The following ZNF564 variants were observed in gnomAD, a reference collection of about 807,000 sequenced individuals.
ZNF564 encodes the protein zinc finger protein 564.
A neutral mutation model predicts 10.5 loss-of-function variants in ZNF564; 5 were observed. The observed-to-expected ratio is 0.48, with a 90% confidence interval of 0.25 to 1.00. The LOEUF (loss-of-function observed/expected upper bound fraction) is 1.00. Among genes scored for constraint, ZNF564 ranks in the 50% least tolerant of loss-of-function variants. The pLI, the probability that ZNF564 is intolerant of heterozygous loss-of-function variation, is 0.16. For missense variants in ZNF564, 603 were observed against 669.7 expected, an observed-to-expected ratio of 0.90 and a Z score of 1.10; for synonymous variants, 242 against 218.1, an observed-to-expected ratio of 1.11 and a Z score of -0.97.
intron 1 of ZNF564, among the ~76,000 whole-genome samples, chr19:12,533,727 C>CAA (rs59631972): frequency 0.043 from 1,251 of 29,086 alleles, 261 homozygotes; most frequent in African/African-American, 0.15. Context: ...CTGCTGTCTC[C>CAA]AAAAAAAAAA....
Position 12,543,333 on chromosome 19 carries a change from G to GAGGGGAAGGGGA in ZNF564, c.3+7985_3+7996dup, listed in dbSNP as rs1006371038. Among the ~76,000 whole-genome samples, 168 of 143,564 alleles carry GAGGGGAAGGGGA rather than the reference G, an allele frequency of 1.2e-3. 1 individual carries two copies. The highest frequency in any genetic ancestry group is 5.6e-3 in the East Asian group (26 of 4,608). The allele number at this position is 143,564 out of a possible 152,430, so 94.2% of individuals were successfully genotyped here. A position where few individuals can be genotyped will look rare whatever the true frequency, so the allele number is the denominator to read the frequency against. ...AAAAAAAAAAGAGAGAAGGGGAGGG[G>GAGGGGAAGGGGA]AGGGGAAGGGGAAGGGGAAGGGGAA... On this transcript the variant is annotated intron_variant, in intron 1 of 3. Coordinates refer to ENST00000339282, the MANE Select transcript of ZNF564 (RefSeq NM_144976.4).
chr19:12,525,830 T>A lies in ZNF564; in HGVS notation c.*616A>T, dbSNP rs754707438. On this transcript the variant is annotated 3_prime_UTR_variant, in exon 4 of 4. Coordinates refer to ENST00000339282, the MANE Select transcript of ZNF564 (RefSeq NM_144976.4). Reference sequence around the variant, plus strand: ...AAGGGCCTGCTTCCCGGTTCAAAGATAGCTATCTTCTCACTGCACCCTCTC... The same window carrying A: ...AAGGGCCTGCTTCCCGGTTCAAAGAAAGCTATCTTCTCACTGCACCCTCTC... 1.3e-5 allele frequency: 2 copies of A among 152,324 alleles called. No homozygotes were observed. The highest frequency in any genetic ancestry group is 2.1e-4 in the South Asian group (1 of 4,832). 9.4% of individuals were successfully genotyped at this position (152,324 alleles called of 1,614,324 possible). A position where few individuals can be genotyped will look rare whatever the true frequency, so the allele number is the denominator to read the frequency against.
intron 1 of ZNF564, among the ~76,000 whole-genome samples, chr19:12,539,153 G>C (rs2021982906): frequency 6.8e-6 from 1 of 147,212 alleles, no homozygotes. Flanking sequence ...AGAATCGCTT[G>C]AATCTAGGAG....
chr19:12,535,517 A>G (rs2021890225), intron 1 of ZNF564, among the ~76,000 whole-genome samples: 1 of 152,226 alleles, frequency 6.6e-6, no homozygotes, highest in African/African-American at 2.4e-5. Context: ...GGATTTCAGG[A>G]TGCAAAGGGC....
intron 1 of ZNF564, chr19:12,548,827 T>C (rs1166408772): frequency 4.3e-6 from 3 of 702,946 alleles, no homozygotes; most frequent in Non-Finnish European, 7.8e-6. Context: ...GATGAAAGGA[T>C]ACAGAACAGT....
In ZNF564 at chr19:12,527,458, C is replaced by A; in HGVS notation, c.650G>T (p.Arg217Ile). Reference protein sequence around the residue: ...DRPSLFQIHERTHTGEKPYEC... With the variant: ...DRPSLFQIHEITHTGEKPYEC... ...ATAGGGTTTCTCTCCAGTGTGAGTT[C>A]TTTCATGTATCTGAAATAAACTTGG... Residue 217 changes from arginine to isoleucine, a missense_variant, in exon 4 of 4, where the codon AGA becomes ATA. Arg to Ile is a moderately conservative substitution (Grantham distance 97). Coordinates refer to ENST00000339282, the MANE Select transcript of ZNF564 (RefSeq NM_144976.4). 6.2e-7 allele frequency: 1 copy of A among 1,614,088 alleles called. No homozygotes were observed. Among genetic ancestry groups the A allele is most frequent in the Non-Finnish European group, 8.5e-7 (1 of 1,179,976 alleles).
chr19:12,547,079 AGAG>A (rs2022169505), intron 1 of ZNF564, among the ~76,000 whole-genome samples: 1 of 152,178 alleles, frequency 6.6e-6, no homozygotes, highest in South Asian at 2.1e-4. Flanking sequence ...TTTTAGGGGA[AGAG>A]GAGGGGAGAC....
rs2022262155 is a variant in ZNF564 at position 12,551,458 on chromosome 19, C to G, written c.-126G>C. ...GGAGAAGCGGAGACCGGAACCCAAA[C>G]GCAGCGGACACGAAACAGGAAGACC... On this transcript the variant is annotated 5_prime_UTR_variant, in exon 1 of 4. Transcript: ENST00000339282. 1.4e-6 allele frequency: 2 copies of G among 1,432,130 alleles called. No homozygotes were observed. The highest frequency in any genetic ancestry group is 9.2e-7 in the Non-Finnish European group (1 of 1,092,584). 88.7% of individuals were successfully genotyped at this position (1,432,130 alleles called of 1,614,324 possible).
intron 1 of ZNF564, among the ~76,000 whole-genome samples, chr19:12,533,238 T>A (rs924738531): frequency 1.3e-5 from 2 of 152,176 alleles, no homozygotes; most frequent in African/African-American, 4.8e-5. Flanking sequence ...CTTTAGAGAT[T>A]AAACAACACA....
intron 1 of ZNF564, chr19:12,548,850 C>G: frequency 1.4e-6 from 1 of 702,880 alleles, no homozygotes. Flanking sequence ...TCCATTACGA[C>G]AAAATCTCTA....
At chr19:12,539,555 T>G (rs1437554925) in intron 1 of ZNF564, among the ~76,000 whole-genome samples, 2 of 146,052 alleles carry the variant, frequency 1.4e-5, no homozygotes, top group Non-Finnish European at 3.0e-5. Flanking sequence ...GTAGTCCCAG[T>G]TACTTGGGAG....
intron 2 of ZNF564, 67 bp from the exon 3 acceptor site, chr19:12,528,431 G>C: frequency 6.4e-7 from 1 of 1,574,208 alleles, no homozygotes; most frequent in Admixed American, 1.9e-5. Context: ...TAGATTCTAA[G>C]TTCATGATAA....
At chr19:12,535,288 G>T (rs368793395) in intron 1 of ZNF564, among the ~76,000 whole-genome samples, 1 of 151,980 alleles carries the variant, frequency 6.6e-6, no homozygotes, top group African/African-American at 2.4e-5. Context: ...CAGGAGAATC[G>T]CTTGAACCAA....
In ZNF564 at chr19:12,527,300, T is replaced by C; in HGVS notation, c.808A>G (p.Ile270Val). The change falls in exon 4 of 4, where the codon ATA becomes GTA. Residue 270 changes from isoleucine (I) to valine (V), a missense_variant. Ile to Val is a conservative substitution (Grantham distance 29, BLOSUM62 3). Transcript: ENST00000339282. ...KAFDRPSLFRIHERTHTGEKP... is the reference protein window; with the variant it reads ...KAFDRPSLFRVHERTHTGEKP... ...TCTCCAGTATGAGTTCTTTCATGTA[T>C]TCGAAATAAACTGGGGCGGTCAAAG... The C allele has an allele frequency of 6.2e-7, 1 of 1,614,002 alleles. No individual in the cohort carries two copies. Among genetic ancestry groups the C allele is most frequent in the Non-Finnish European group, 8.5e-7 (1 of 1,180,004 alleles).
At chr19:12,550,465 G>A in intron 1 of ZNF564, 2 of 253,246 alleles carry the variant, frequency 7.9e-6, no homozygotes, top group Non-Finnish European at 1.7e-5. Context: ...AGACCAACCT[G>A]GCCAACATGG....
intron 1 of ZNF564, among the ~76,000 whole-genome samples, chr19:12,533,727 C>CAAAAAAAAAAAAAAAAAAAAAAAAAAAAA (rs59631972): frequency 1.0e-4 from 3 of 29,184 alleles, no homozygotes; most frequent in African/African-American, 5.1e-4. Flanking sequence ...CTGCTGTCTC[C>CAAAAAAAAAAAAAAAAAAAAAAAAAAAAA]AAAAAAAAAA....
Position 12,551,452 on chromosome 19 carries a change from C to A in ZNF564, c.-120G>T, listed in dbSNP as rs967462636. 2.8e-6 allele frequency: 4 copies of A among 1,432,322 alleles called. No homozygotes were observed. The highest frequency in any genetic ancestry group is 2.7e-6 in the Non-Finnish European group (3 of 1,092,120). The allele number at this position is 1,432,322 out of a possible 1,614,324, so 88.7% of individuals were successfully genotyped here. On this transcript the variant is annotated 5_prime_UTR_variant, in exon 1 of 4. Transcript: ENST00000339282. ...GCCACTGGAGAAGCGGAGACCGGAA[C>A]CCAAACGCAGCGGACACGAAACAGG...
intron 1 of ZNF564, among the ~76,000 whole-genome samples, chr19:12,534,707 G>A (rs1016443561): frequency 1.3e-5 from 2 of 151,976 alleles, no homozygotes; most frequent in African/African-American, 2.4e-5. Context: ...CCAGCTACTC[G>A]AGAGGCTGAA....
intron 1 of ZNF564, among the ~76,000 whole-genome samples, chr19:12,549,079 G>T (rs10421321): frequency 6.6e-6 from 1 of 151,892 alleles, no homozygotes; most frequent in African/African-American, 2.4e-5. Flanking sequence ...GTTGCGGAGA[G>T]GAAACTACAC....
Sources: allele counts gnomAD v4.1 joint callset (sites outside exome capture counted in the v4.1 genomes callset), GRCh38; gene constraint gnomAD v4.1.1; transcripts MANE v1.5; gene names NCBI Gene and HGNC (gene_info 2026-07-23, HGNC 2026-07-21).